Variants in FAM107A observed in about 807,000 individuals in gnomAD.
FAM107A encodes actin-associated protein FAM107A.
In FAM107A, 19 loss-of-function variants were observed where a neutral mutation model predicts 13.7. The observed-to-expected ratio is 1.38, with a 90% CI of 0.97 to 2.03. FAM107A has a LOEUF of 2.03. Ranked by LOEUF, FAM107A falls within the 30% of genes most tolerant of loss-of-function variation. The pLI, the probability that FAM107A is intolerant of heterozygous loss-of-function variation, is 0.00. For synonymous variants in FAM107A, 82 were observed against 74.5 expected, an observed-to-expected ratio of 1.10 and a Z score of -0.52; for missense variants, 203 against 184.4, an observed-to-expected ratio of 1.10 and a Z score of -0.58.
intron 1 of FAM107A, among the ~76,000 whole-genome samples, chr3:58,619,971 C>T (rs983769722): frequency 8.5e-5 from 13 of 152,084 alleles, no homozygotes; most frequent in Admixed American, 2.0e-4. Flanking sequence ...CTGAGGGATT[C>T]AGTCTATGTC....
chr3:58,587,490 T>A (rs199552045), upstream of FAM107A, among the ~76,000 whole-genome samples: 25,060 of 137,748 alleles, frequency 0.18, 2,729 homozygotes, highest in East Asian at 0.46. Context: ...TGTGTGTGTG[T>A]GTGTGTGTGT....
chr3:58,577,904 C>G (rs1353297393), upstream of FAM107A: 1 of 177,282 alleles, frequency 5.6e-6, no homozygotes, highest in African/African-American at 2.4e-5. This position sits in a 1 kb window ranked among gnomAD's most constrained non-coding sequence, Gnocchi z 4.9. Context: ...TTTCCTGATA[C>G]CTTGAATGTC....
intron 1 of FAM107A, chr3:58,626,904 C>T (rs1358162390): frequency 8.1e-6 from 12 of 1,487,816 alleles, no homozygotes; most frequent in Admixed American, 5.9e-5. Context: ...GGTCGGGGCT[C>T]CCACTTGCTA....
Position 58,617,865 on chromosome 3 carries a change from T to C in FAM107A, c.-70+9551A>G, listed in dbSNP as rs1471985485. ...CAGTCCTGATGCTTGAAAAACAAGA[T>C]GAACAGCTTCAATCCTGACGCTTGA... On this transcript the variant is annotated intron_variant, in intron 1 of 3. Coordinates refer to the FAM107A transcript ENST00000465970. The surrounding 1 kb of genome is among the most constrained non-coding windows in gnomAD (Gnocchi z 4.5). 6.6e-6 allele frequency among the ~76,000 whole-genome samples: 1 copy of C among 152,162 alleles called. No homozygotes were observed. The highest frequency in any genetic ancestry group is 1.5e-5 in the Non-Finnish European group (1 of 68,034).
upstream of FAM107A, among the ~76,000 whole-genome samples, chr3:58,579,222 T>G (rs1226874259): frequency 6.6e-6 from 1 of 151,784 alleles, no homozygotes; most frequent in Admixed American, 6.6e-5. Context: ...CCAGACTGGG[T>G]GGATCCTGGT....
chr3:58,614,626 T>A (rs1303627924), intron 1 of FAM107A, among the ~76,000 whole-genome samples: 1 of 151,824 alleles, frequency 6.6e-6, no homozygotes, highest in Non-Finnish European at 1.5e-5. Flanking sequence ...TGCCTCAGCC[T>A]CCCAAGTATC....
At chr3:58,581,854 A>G (rs543492885), upstream of FAM107A, among the ~76,000 whole-genome samples, 6 of 152,360 alleles carry the variant, frequency 3.9e-5, no homozygotes, top group Admixed American at 1.3e-4. Context: ...CCCAGCTGCA[A>G]TTAGACATGG....
chr3:58,627,043 G>A (rs1179128263), intron 1 of FAM107A: 9 of 1,528,718 alleles, frequency 5.9e-6, no homozygotes, highest in Non-Finnish European at 7.9e-6. Flanking sequence ...GCCAGGCTGG[G>A]GTCCTCCCTG....
chr3:58,593,039 C>T (rs958624510), intron 1 of FAM107A, among the ~76,000 whole-genome samples: 7 of 152,150 alleles, frequency 4.6e-5, no homozygotes, highest in Non-Finnish European at 2.9e-5. Flanking sequence ...TCTACAACCT[C>T]GGTGGACCGG....
intron 1 of FAM107A, among the ~76,000 whole-genome samples, chr3:58,572,222 A>C (rs1263159887): frequency 6.6e-6 from 1 of 152,184 alleles, no homozygotes; most frequent in Non-Finnish European, 1.5e-5. Context: ...ACTGTGGTAG[A>C]CACTGGACAC....
upstream of FAM107A, among the ~76,000 whole-genome samples, chr3:58,581,776 G>T (rs763138603): frequency 1.4e-4 from 21 of 152,186 alleles, no homozygotes; most frequent in Non-Finnish European, 2.8e-4. Context: ...GATTTCAAGC[G>T]TGAAAATGGG....
upstream of FAM107A, among the ~76,000 whole-genome samples, chr3:58,587,369 C>T (rs1049868290): frequency 8.5e-5 from 13 of 152,318 alleles, no homozygotes; most frequent in African/African-American, 2.6e-4. Flanking sequence ...GCTGTGTGTC[C>T]CCACGATTTA....
At chr3:58,596,071 G>A (rs2065704924) in intron 1 of FAM107A, among the ~76,000 whole-genome samples, 1 of 152,136 alleles carries the variant, frequency 6.6e-6, no homozygotes, top group Admixed American at 6.6e-5. Flanking sequence ...AATACAACTG[G>A]GCACAACTCA....
intron 1 of FAM107A, among the ~76,000 whole-genome samples, chr3:58,596,220 C>T (rs2065706034): frequency 6.6e-6 from 1 of 152,130 alleles, no homozygotes; most frequent in African/African-American, 2.4e-5. Flanking sequence ...TCCCCAAATC[C>T]TCCTCTTCCC....
At chr3:58,582,026 CTG>C (rs1172678653), upstream of FAM107A, among the ~76,000 whole-genome samples, 2 of 151,766 alleles carry the variant, frequency 1.3e-5, no homozygotes, top group African/African-American at 2.4e-5. Flanking sequence ...GTCTGTTTCT[CTG>C]TGTGTGTGTG....
intron 1 of FAM107A, among the ~76,000 whole-genome samples, chr3:58,607,438 C>G (rs1395271210): frequency 6.6e-6 from 1 of 152,140 alleles, no homozygotes; most frequent in Non-Finnish European, 1.5e-5. Flanking sequence ...ACTCTCACCC[C>G]TGTGCTGACC....
In FAM107A at chr3:58,604,289, C is replaced by T. The variant is rs868691494; in HGVS notation, c.-69-15020G>A. Among the ~76,000 whole-genome samples, 2 of 152,110 alleles carry T rather than the reference C, an allele frequency of 1.3e-5. No individual in the cohort carries two copies. Among genetic ancestry groups the T allele is most frequent in the Non-Finnish European group, 2.9e-5 (2 of 68,026 alleles). On this transcript the variant is annotated intron_variant, in intron 1 of 3. Coordinates refer to the FAM107A transcript ENST00000465970. This position sits in a 1 kb window ranked among gnomAD's most constrained non-coding sequence, Gnocchi z 4.1. ...TACTTGGGAGAGTGACATCCCAACTCGTGCTCCCTCCAGAGCATTAAACGC... is the reference window on the plus strand; with the variant it reads ...TACTTGGGAGAGTGACATCCCAACTTGTGCTCCCTCCAGAGCATTAAACGC...
chr3:58,566,363 C>A lies in FAM107A; in HGVS notation c.*225G>T, dbSNP rs2063620933. 1 of 529,872 alleles carries A rather than the reference C, an allele frequency of 1.9e-6. No individual in the cohort carries two copies. Among genetic ancestry groups the A allele is most frequent in the East Asian group, 3.0e-5 (1 of 33,198 alleles). 32.8% of individuals were successfully genotyped at this position (529,872 alleles called of 1,614,324 possible). ...CCTTGCAGGGAGGGGTGCAGGTTAT[C>A]CCTCTTGGAGCAGGAGGGCTGGGTG... is the stretch of plus-strand genomic sequence containing the variant. On this transcript the variant is annotated 3_prime_UTR_variant, in exon 4 of 4. Transcript: ENST00000360997.
chr3:58,593,983 A>G (rs1391212337), intron 1 of FAM107A, among the ~76,000 whole-genome samples: 1 of 141,964 alleles, frequency 7.0e-6, no homozygotes, highest in African/African-American at 2.7e-5. Flanking sequence ...CCCCCCCACC[A>G]TATTTGGACC....
Sources: gnomAD v4.1 joint callset for allele counts (sites outside exome capture counted in the v4.1 genomes callset) on GRCh38, gnomAD v4.1.1 for gene constraint, Gnocchi (gnomAD v3.1) non-coding constraint, MANE v1.5 for transcripts, NCBI Gene and HGNC (gene_info 2026-07-23, HGNC 2026-07-21) for gene names.